The following RHBDL2 variants were observed in gnomAD, a reference collection of about 807,000 sequenced individuals.
The protein encoded by RHBDL2 is rhomboid-related protein 2.
In RHBDL2, 26 loss-of-function variants were observed where a neutral mutation model predicts 31.7. That is an observed-to-expected ratio of 0.82 (90% confidence interval 0.60 to 1.14). The LOEUF (loss-of-function observed/expected upper bound fraction) is 1.14. RHBDL2 is among the 50% of genes most tolerant of loss of function. The probability of loss-of-function intolerance (pLI) is 0.00; values close to 1 mark genes in which losing one functional copy is unlikely to be tolerated. For missense variants in RHBDL2, 336 were observed against 364.4 expected, an observed-to-expected ratio of 0.92 and a Z score of 0.63; for synonymous variants, 123 against 127.2, an observed-to-expected ratio of 0.97 and a Z score of 0.22.
At chr1:38,922,153 A>G (rs1003609900) in intron 1 of RHBDL2, among the ~76,000 whole-genome samples, 15 of 152,080 alleles carry the variant, frequency 9.9e-5, no homozygotes, top group African/African-American at 3.6e-4. Context: ...GTTTAGCCAA[A>G]ACTCACTGCA....
At chr1:38,912,906 A>G (rs140328970) in intron 3 of RHBDL2, among the ~76,000 whole-genome samples, 857 of 33,944 alleles carry the variant, frequency 0.025, 8 homozygotes, top group East Asian at 0.092. Flanking sequence ...ATATATATAT[A>G]TATATGTGTG....
At chr1:38,919,441 G>T in intron 1 of RHBDL2, 104 bp from the exon 2 acceptor site, 1 of 1,139,638 alleles carries the variant, frequency 8.8e-7, no homozygotes, top group Non-Finnish European at 1.2e-6. Context: ...AGAGCCAGAT[G>T]ACTGAGATTA....
intron 1 of RHBDL2, 189 bp from the exon 2 acceptor site, chr1:38,919,526 A>C: frequency 3.5e-6 from 1 of 282,384 alleles, no homozygotes; most frequent in Non-Finnish European, 6.3e-6. Flanking sequence ...CAAGCCTCAA[A>C]TTACATATTT....
chr1:38,889,818 A>T (rs1419673984), intron 6 of RHBDL2, among the ~76,000 whole-genome samples: 1 of 152,126 alleles, frequency 6.6e-6, no homozygotes, highest in Non-Finnish European at 1.5e-5. Flanking sequence ...CCTATGCTCT[A>T]CTTAGTGAGC....
intron 1 of RHBDL2, among the ~76,000 whole-genome samples, chr1:38,933,016 G>GT (rs1643455123): frequency 6.6e-6 from 1 of 152,178 alleles, no homozygotes; most frequent in Non-Finnish European, 1.5e-5. Context: ...AAATCAGAGT[G>GT]TATTAACTCT....
chr1:38,914,857 C>T (rs1359570830), intron 3 of RHBDL2, among the ~76,000 whole-genome samples: 5 of 151,096 alleles, frequency 3.3e-5, no homozygotes, highest in Non-Finnish European at 7.4e-5. Context: ...GGTGAAACCC[C>T]GTCTCTACTA....
chr1:38,913,206 C>T (rs1341441841), intron 3 of RHBDL2, among the ~76,000 whole-genome samples: 1 of 151,946 alleles, frequency 6.6e-6, no homozygotes, highest in Non-Finnish European at 1.5e-5. Flanking sequence ...TGGTCTCAAA[C>T]TCCTGACCTC....
chr1:38,895,157 A>G (rs942797813), intron 5 of RHBDL2, among the ~76,000 whole-genome samples: 1 of 152,162 alleles, frequency 6.6e-6, no homozygotes, highest in African/African-American at 2.4e-5. Flanking sequence ...AAGCACTGAC[A>G]TGGGTAGATG....
chr1:38,889,048 G>A (rs1318823848), intron 6 of RHBDL2, among the ~76,000 whole-genome samples: 1 of 152,144 alleles, frequency 6.6e-6, no homozygotes, highest in African/African-American at 2.4e-5. Context: ...TTTACTGAGT[G>A]ATAGGAAGTC....
At chr1:38,920,608 T>TC (rs1491563890) in intron 1 of RHBDL2, among the ~76,000 whole-genome samples, 1 of 81,634 alleles carries the variant, frequency 1.2e-5, no homozygotes, top group African/African-American at 3.5e-5. Flanking sequence ...AAGTTTTCTC[T>TC]TTTTTTTTTT....
chr1:38,901,472 A>AAAAAG (rs1553158333), intron 4 of RHBDL2, among the ~76,000 whole-genome samples: 4 of 151,418 alleles, frequency 2.6e-5, no homozygotes, highest in African/African-American at 9.7e-5. Context: ...AAAAAAAAAA[A>AAAAAG]AAAGAAAGAA....
intron 4 of RHBDL2, among the ~76,000 whole-genome samples, chr1:38,906,343 A>T (rs1020741580): frequency 1.3e-5 from 2 of 152,114 alleles, no homozygotes; most frequent in African/African-American, 4.8e-5. Flanking sequence ...CAAAAACCCT[A>T]CTACTAAGTG....
chr1:38,929,428 G>GCCTT, intron 1 of RHBDL2: 13 of 1,289,450 alleles, frequency 1.0e-5, no homozygotes, highest in Non-Finnish European at 1.3e-5. Flanking sequence ...GAAGGCCCTG[G>GCCTT]CAAGGCCAAC....
At chr1:38,894,403 A>G (rs896726786) in intron 5 of RHBDL2, among the ~76,000 whole-genome samples, 1 of 151,846 alleles carries the variant, frequency 6.6e-6, no homozygotes, top group African/African-American at 2.4e-5. Context: ...GCTCACTGCA[A>G]CCTCCACCTC....
intron 1 of RHBDL2, chr1:38,929,590 C>G (rs1643417722): frequency 7.8e-7 from 1 of 1,280,342 alleles, no homozygotes; most frequent in Non-Finnish European, 1.0e-6. Context: ...AGGCAGGCCC[C>G]TGCCGGGGCT....
intron 3 of RHBDL2, among the ~76,000 whole-genome samples, chr1:38,912,203 T>C (rs1643158361): frequency 1.3e-5 from 2 of 152,124 alleles, no homozygotes; most frequent in Non-Finnish European, 2.9e-5. Flanking sequence ...ACTCCTGACC[T>C]CAGGTGATCT....
intron 4 of RHBDL2, among the ~76,000 whole-genome samples, chr1:38,910,710 G>A (rs1440096820): frequency 1.3e-5 from 2 of 149,996 alleles, no homozygotes; most frequent in South Asian, 2.1e-4. Flanking sequence ...ACTCAAATAC[G>A]TACCTGTACA....
At chr1:38,926,997 A>ATTT (rs1643385233) in intron 1 of RHBDL2, 7 of 152,162 alleles carry the variant, frequency 4.6e-5, no homozygotes, top group African/African-American at 1.7e-4. Flanking sequence ...TATTTTTTTA[A>ATTT]AAATGTTTTT....
At chr1:38,893,329 T>C (rs1241600073) in intron 5 of RHBDL2, 105 bp from the exon 6 acceptor site, 2 of 576,564 alleles carry the variant, frequency 3.5e-6, no homozygotes, top group Non-Finnish European at 6.2e-6. Context: ...TCTTCCAGTA[T>C]CAAATATTTG....
Sources: allele counts gnomAD v4.1 joint callset (sites outside exome capture counted in the v4.1 genomes callset), GRCh38; gene constraint gnomAD v4.1.1; transcripts MANE v1.5; gene names NCBI Gene and HGNC (gene_info 2026-07-23, HGNC 2026-07-21).